The following UNC5D variants were observed in gnomAD, a reference collection of about 807,000 sequenced individuals.
UNC5D encodes netrin receptor UNC5D.
UNC5D carries 39 observed loss-of-function variants against 105.4 expected under a neutral mutation model. The observed-to-expected ratio is 0.37, with a 90% CI of 0.29 to 0.48. The LOEUF is 0.48. Among genes scored for constraint, UNC5D ranks in the 20% least tolerant of loss-of-function variants. The pLI is 0.98. For synonymous variants in UNC5D, 452 were observed against 450.4 expected (o/e 1.00, Z -0.04); for missense variants, 991 against 1,202.4 (o/e 0.82, Z 2.60).
intron 3 of UNC5D, among the ~76,000 whole-genome samples, chr8:35,569,559 C>CTGAT (rs774078112): frequency 2.6e-5 from 4 of 152,214 alleles, no homozygotes; most frequent in Non-Finnish European, 5.9e-5. Flanking sequence ...TGCCTGAGTT[C>CTGAT]TGATAGGCCA....
chr8:35,281,419 T>A (rs1326414376), intron 1 of UNC5D, among the ~76,000 whole-genome samples: 2 of 49,884 alleles, frequency 4.0e-5, no homozygotes, highest in East Asian at 0.01. Flanking sequence ...ATACTTTTTT[T>A]TTCTTTTTTT....
intron 1 of UNC5D, among the ~76,000 whole-genome samples, chr8:35,548,693 G>A (rs1219676937): frequency 1.3e-5 from 2 of 152,182 alleles, no homozygotes; most frequent in Non-Finnish European, 2.9e-5. Context: ...CAGAGGGTGG[G>A]CCAAAGGCAA....
chr8:35,329,400 GATATATAT>G (rs36221011), intron 1 of UNC5D, among the ~76,000 whole-genome samples: 115,269 of 147,328 alleles, frequency 0.78, 45,951 homozygotes, highest in East Asian at 0.97. Context: ...TTATTGGGTT[GATATATAT>G]ATATATATAT....
chr8:35,664,363 G>T (rs1824298415), intron 4 of UNC5D, among the ~76,000 whole-genome samples: 1 of 151,996 alleles, frequency 6.6e-6, no homozygotes, highest in Non-Finnish European at 1.5e-5. Flanking sequence ...GTCAATAATT[G>T]ATTCTTGTTT....
intron 1 of UNC5D, among the ~76,000 whole-genome samples, chr8:35,477,645 A>T (rs2579881): frequency 0.46 from 69,344 of 152,018 alleles, 19,861 homozygotes; most frequent in African/African-American, 0.81. Flanking sequence ...GGAAAAAAAA[A>T]TGTTTACAAA....
At chr8:35,310,206 GA>G (rs1406488384) in intron 1 of UNC5D, among the ~76,000 whole-genome samples, 9 of 152,146 alleles carry the variant, frequency 5.9e-5, no homozygotes, top group African/African-American at 1.9e-4. Context: ...GTGTGGAATT[GA>G]TGTTCTGTTT....
At chr8:35,246,444 G>A (rs559961986) in intron 1 of UNC5D, among the ~76,000 whole-genome samples, 1 of 152,242 alleles carries the variant, frequency 6.6e-6, no homozygotes, top group South Asian at 2.1e-4. Context: ...ATCAGTGGCT[G>A]TAGGTTAATG....
intron 8 of UNC5D, among the ~76,000 whole-genome samples, chr8:35,714,217 T>A (rs560960092): frequency 4.6e-5 from 7 of 152,346 alleles, no homozygotes; most frequent in African/African-American, 1.7e-4. Flanking sequence ...CTCTTTGATC[T>A]TGAGCCATGT....
At chr8:35,494,285 A>C (rs1282744885) in intron 1 of UNC5D, among the ~76,000 whole-genome samples, 2 of 152,182 alleles carry the variant, frequency 1.3e-5, no homozygotes, top group Non-Finnish European at 1.5e-5. Flanking sequence ...TTAGACTTTA[A>C]TCCAAAATGT....
intron 9 of UNC5D, 147 bp downstream of exon 9, chr8:35,722,542 G>A: frequency 1.9e-6 from 2 of 1,050,400 alleles, no homozygotes; most frequent in Non-Finnish European, 2.7e-6. Context: ...GAACAGACCG[G>A]GCTGGGTGAA....
chr8:35,516,649 C>T (rs1457749646), intron 1 of UNC5D, among the ~76,000 whole-genome samples: 7 of 152,228 alleles, frequency 4.6e-5, no homozygotes, highest in Non-Finnish European at 1.0e-4. Context: ...TCTACTATCT[C>T]TCCCAAATTC....
rs1331003385 is a variant in UNC5D at position 35,559,342 on chromosome 8, A to G, written c.323-8756A>G. ...GGGAGGGATTCTCACTTCCTTCTTG[A>G]ATCTATTGGTTCCGGTTGGTAAGCC... On this transcript the variant is annotated intron_variant, in intron 2 of 16. Transcript: ENST00000404895. Among the ~76,000 whole-genome samples, 6 of 152,160 alleles carry G rather than the reference A, an allele frequency of 3.9e-5. 1 individual carries two copies. The South Asian group carries it at 8.3e-4, about 21-fold the overall frequency.
intron 1 of UNC5D, among the ~76,000 whole-genome samples, chr8:35,415,778 T>TC (rs1805489044): frequency 6.6e-6 from 1 of 152,182 alleles, no homozygotes; most frequent in African/African-American, 2.4e-5. Flanking sequence ...CCATGACTTT[T>TC]CCCCTCTCTG....
In UNC5D at chr8:35,795,609, G is replaced by C. The variant is rs1279588367; in HGVS notation, c.*5046G>C. On this transcript the variant is annotated 3_prime_UTR_variant, in exon 17 of 17. Coordinates refer to ENST00000404895, the MANE Select transcript of UNC5D (RefSeq NM_080872.4). ...CATTAACTAGTTCCAGTGATGCTGA[G>C]AGACACAGCACCCTGTGCCAGGTAT... 1.3e-5 allele frequency: 2 copies of C among 152,110 alleles called. No individual in the cohort carries two copies. The highest frequency in any genetic ancestry group is 2.9e-5 in the Non-Finnish European group (2 of 68,012). The allele number at this position is 152,110 out of a possible 1,614,324, so 9.4% of individuals were successfully genotyped here. A position where few individuals can be genotyped will look rare whatever the true frequency, so the allele number is the denominator to read the frequency against.
chr8:35,738,849 G>A (rs993698478), intron 11 of UNC5D, among the ~76,000 whole-genome samples: 3 of 152,154 alleles, frequency 2.0e-5, no homozygotes, highest in Admixed American at 6.5e-5. Context: ...TGCGTGAATC[G>A]TCCATGTCAT....
At position 35,775,156 on chromosome 8, in the gene UNC5D, T is replaced by A. The variant is rs200126756; in HGVS notation, c.2657+679T>A. Among the ~76,000 whole-genome samples, 35 of 152,274 alleles carry A rather than the reference T, an allele frequency of 2.3e-4. No homozygotes were observed. In the East Asian group the frequency reaches 6.6e-3, roughly 29 times the overall value. On this transcript the variant is annotated intron_variant, in intron 16 of 16. Transcript: ENST00000404895. ...AATTTCTCACGTCTCCCCTCTACTA[T>A]CGGGTAACCCTAAGCATTCTTTAAC...
rs558936366 is a variant in UNC5D, at chr8:35,365,748, G to A, written c.103+129861G>A. Among the ~76,000 whole-genome samples the A allele has an allele frequency of 4.6e-5, 7 of 152,180 alleles. 1 individual carries two copies. Among genetic ancestry groups the A allele is most frequent in the African/African-American group, 1.7e-4 (7 of 41,520 alleles). On this transcript the variant is annotated intron_variant, in intron 1 of 16. Coordinates refer to ENST00000404895, the MANE Select transcript of UNC5D (RefSeq NM_080872.4). ...GGAAGGGTATCACTGAATAGGAATA[G>A]AATCCTGGTATTAAATAAAATAGTT... is the stretch of plus-strand genomic sequence containing the variant.
At chr8:35,722,540 CGGGCT>C in intron 9 of UNC5D, 145 bp downstream of exon 9, 1 of 1,060,192 alleles carries the variant, frequency 9.4e-7, no homozygotes, top group East Asian at 2.6e-5. Context: ...ATGAACAGAC[CGGGCT>C]GGGTGAAGTG....
intron 11 of UNC5D, 30 bp downstream of exon 11, chr8:35,731,126 A>C (rs2131574846): frequency 6.2e-7 from 1 of 1,607,070 alleles, no homozygotes; most frequent in Non-Finnish European, 8.5e-7. Flanking sequence ...ATATTAAAGA[A>C]AGTGGCTCAC....
Sources: allele counts gnomAD v4.1 joint callset (sites outside exome capture counted in the v4.1 genomes callset), GRCh38; gene constraint gnomAD v4.1.1; transcripts MANE v1.5; gene names NCBI Gene and HGNC (gene_info 2026-07-23, HGNC 2026-07-21).